The following ACTR3C variants were observed in gnomAD, a reference collection of about 807,000 sequenced individuals.
ACTR3C encodes the protein actin-related protein 3C.
In ACTR3C, 18 loss-of-function variants were observed where a neutral mutation model predicts 26.3. That is an observed-to-expected ratio of 0.68 (90% CI 0.47 to 1.01). ACTR3C has a LOEUF of 1.01. ACTR3C is among the 50% of genes least tolerant of loss of function. ACTR3C has a pLI of 0.00. For synonymous variants in ACTR3C, 55 were observed against 94.5 expected, an observed-to-expected ratio of 0.58 and a Z score of 2.42; for missense variants, 184 against 250.7, an observed-to-expected ratio of 0.73 and a Z score of 1.80.
At chr7:150,050,367 T>C in the ACTR3C span, among the ~76,000 whole-genome samples, 1 of 152,244 alleles carries the variant, frequency 6.6e-6, no homozygotes, top group Non-Finnish European at 1.5e-5. Flanking sequence ...AATCATAGAA[T>C]ACTATTGGGA....
the ACTR3C span, among the ~76,000 whole-genome samples, chr7:149,960,513 A>G: frequency 6.6e-6 from 1 of 152,182 alleles, no homozygotes; most frequent in Admixed American, 6.5e-5. Context: ...CAACTGTAAT[A>G]CATCCTTTCA....
the ACTR3C span, among the ~76,000 whole-genome samples, chr7:150,083,852 A>G: frequency 1.3e-5 from 2 of 152,132 alleles, no homozygotes; most frequent in African/African-American, 4.8e-5. Flanking sequence ...ATTGGAGAGG[A>G]TGTGTAGAAA....
At chr7:149,963,790 A>C in the ACTR3C span, among the ~76,000 whole-genome samples, 1 of 152,208 alleles carries the variant, frequency 6.6e-6, no homozygotes, top group African/African-American at 2.4e-5. Context: ...ACCTGTTTCT[A>C]TGAGGTATAT....
chr7:150,133,071 T>A, the ACTR3C span, among the ~76,000 whole-genome samples: 1 of 152,110 alleles, frequency 6.6e-6, no homozygotes, highest in Admixed American at 6.5e-5. Context: ...TCATTAATAG[T>A]TTGTGAAAGA....
the ACTR3C span, among the ~76,000 whole-genome samples, chr7:149,949,975 G>GAGTGCACTCCCTGGACAGGGAGGA: frequency 7.1e-6 from 1 of 140,736 alleles, no homozygotes; most frequent in African/African-American, 3.0e-5. Context: ...GCAATGAAGC[G>GAGTGCACTCCCTGGACAGGGAGGA]AGTGCACTCC....
chr7:150,101,414 T>C, the ACTR3C span, among the ~76,000 whole-genome samples: 1 of 151,716 alleles, frequency 6.6e-6, no homozygotes, highest in African/African-American at 2.4e-5. Flanking sequence ...CTGGAAGTTG[T>C]GCAAACTCAG....
chr7:150,159,593 C>T, the ACTR3C span, among the ~76,000 whole-genome samples: 1 of 152,108 alleles, frequency 6.6e-6, no homozygotes. Flanking sequence ...ACATTCCACC[C>T]GAGCCCCGCC....
chr7:150,035,041 CAGT>C, the ACTR3C span, among the ~76,000 whole-genome samples: 15 of 139,086 alleles, frequency 1.1e-4, no homozygotes, highest in African/African-American at 4.0e-4. Flanking sequence ...GACTGGCTCT[CAGT>C]AATCCCACGT....
the ACTR3C span, among the ~76,000 whole-genome samples, chr7:150,159,777 G>A: frequency 6.6e-6 from 1 of 151,920 alleles, no homozygotes; most frequent in African/African-American, 2.4e-5. Context: ...TTATTCATAT[G>A]CTTCTATGGT....
chr7:149,981,449 T>A, the ACTR3C span, among the ~76,000 whole-genome samples: 2 of 150,928 alleles, frequency 1.3e-5, no homozygotes, highest in African/African-American at 4.8e-5. Context: ...CCTAGTCTGA[T>A]GATTCTGTTC....
chr7:150,306,316 T>G (rs1584979636), intron 1 of ACTR3C, among the ~76,000 whole-genome samples: 1 of 151,916 alleles, frequency 6.6e-6, no homozygotes, highest in Admixed American at 6.6e-5. Flanking sequence ...TCCACATGCC[T>G]AAGATTAGAT....
chr7:150,037,849 C>T, the ACTR3C span, among the ~76,000 whole-genome samples: 1 of 95,740 alleles, frequency 1.0e-5, no homozygotes, highest in Non-Finnish European at 2.3e-5. Flanking sequence ...CGGAGGGTGC[C>T]TCCGCCCCCA....
chr7:150,012,317 C>CTTTTTTTTTTTTTTTT, the ACTR3C span, among the ~76,000 whole-genome samples: 571 of 131,156 alleles, frequency 4.4e-3, 133 homozygotes, highest in African/African-American at 0.01. Flanking sequence ...ATAAATGCAT[C>CTTTTTTTTTTTTTTTT]TTTTTTTTTT....
At chr7:150,311,943 A>G (rs1387616460) in intron 1 of ACTR3C, among the ~76,000 whole-genome samples, 1 of 152,230 alleles carries the variant, frequency 6.6e-6, no homozygotes, top group Non-Finnish European at 1.5e-5. Flanking sequence ...TTGGACTGAA[A>G]GAGGTTTTCT....
At chr7:150,117,652 G>T in the ACTR3C span, among the ~76,000 whole-genome samples, 2 of 152,222 alleles carry the variant, frequency 1.3e-5, no homozygotes, top group Non-Finnish European at 2.9e-5. Flanking sequence ...GGCTGTGGGC[G>T]CAGCTTCAGC....
chr7:149,901,750 T>C, the ACTR3C span, among the ~76,000 whole-genome samples: 4 of 151,294 alleles, frequency 2.6e-5, no homozygotes, highest in Non-Finnish European at 5.9e-5. Flanking sequence ...CCTGTCTCTA[T>C]TAAAATTACA....
At chr7:150,158,933 G>A in the ACTR3C span, among the ~76,000 whole-genome samples, 117 of 145,086 alleles carry the variant, frequency 8.1e-4, no homozygotes, top group South Asian at 5.6e-3. Flanking sequence ...ACACATGTGC[G>A]CAGACACACG....
chr7:150,012,315 A>ATTTTTTTTTTT, the ACTR3C span, among the ~76,000 whole-genome samples: 1 of 91,996 alleles, frequency 1.1e-5, no homozygotes, highest in African/African-American at 4.2e-5. Context: ...TTATAAATGC[A>ATTTTTTTTTTT]TCTTTTTTTT....
At chr7:149,958,331 T>C in the ACTR3C span, among the ~76,000 whole-genome samples, 1 of 152,082 alleles carries the variant, frequency 6.6e-6, no homozygotes. Flanking sequence ...ACCAAAGAGT[T>C]CCAGTGACGA....
Sources: gnomAD v4.1 joint callset for allele counts (sites outside exome capture counted in the v4.1 genomes callset) on GRCh38, gnomAD v4.1.1 for gene constraint, MANE v1.5 for transcripts, NCBI Gene and HGNC (gene_info 2026-07-23, HGNC 2026-07-21) for gene names.